The following INPP5B variants were observed in gnomAD, a reference collection of about 807,000 sequenced individuals.
INPP5B encodes the protein inositol polyphosphate-5-phosphatase B, also known as type II inositol 1,4,5-trisphosphate 5-phosphatase.
Under a neutral mutation model 118.5 loss-of-function variants are expected in INPP5B, and 90 were observed. The ratio of observed to expected loss-of-function variants is 0.76; its 90% confidence interval spans 0.64 to 0.90. The LOEUF is 0.90. Among genes scored for constraint, INPP5B ranks in the 40% least tolerant of loss-of-function variants. INPP5B has a pLI of 0.00. For synonymous variants in INPP5B, 385 were observed against 418.9 expected, an observed-to-expected ratio of 0.92 and a Z score of 0.99; for missense variants, 984 against 1,125.6, an observed-to-expected ratio of 0.87 and a Z score of 1.80.
chr1:37,913,980 G>C (rs1644786069), intron 7 of INPP5B, among the ~76,000 whole-genome samples: 1 of 151,828 alleles, frequency 6.6e-6, no homozygotes, highest in Admixed American at 6.6e-5. Flanking sequence ...TTAAGAAGGT[G>C]CTTCGTAATA....
At chr1:37,862,462 C>T in intron 23 of INPP5B, 32 bp from the exon 24 acceptor site, 1 of 1,399,210 alleles carries the variant, frequency 7.1e-7, no homozygotes, top group South Asian at 1.2e-5. Context: ...AGAAATGATT[C>T]AGCAAAAGAA....
chr1:37,939,219 C>G (rs1372846218), intron 6 of INPP5B, among the ~76,000 whole-genome samples: 6 of 147,892 alleles, frequency 4.1e-5, no homozygotes, highest in African/African-American at 1.5e-4. Flanking sequence ...AAAAAATCAG[C>G]TAGGCATGGT....
At chr1:37,903,785 G>C (rs568780482) in intron 7 of INPP5B, among the ~76,000 whole-genome samples, 4 of 152,264 alleles carry the variant, frequency 2.6e-5, no homozygotes, top group African/African-American at 9.6e-5. Flanking sequence ...AGCTACTTGG[G>C]AGGCTGAAGC....
At chr1:37,941,958 A>AAAAAAAAAAAAAAAATATATATATAT (rs1427344681) in intron 5 of INPP5B, 1 of 30,380 alleles carries the variant, frequency 3.3e-5, no homozygotes, top group Non-Finnish European at 6.6e-5. Flanking sequence ...AAAAAAAAAA[A>AAAAAAAAAAAAAAAATATATATATAT]ATATATATAT....
chr1:37,943,767 G>A (rs1387840587), intron 4 of INPP5B, 29 bp downstream of exon 4: 5 of 1,610,842 alleles, frequency 3.1e-6, no homozygotes, highest in Non-Finnish European at 4.2e-6. Flanking sequence ...CATAGGAGAG[G>A]ATTCATACCA....
chr1:37,912,579 A>G (rs189190322), intron 7 of INPP5B, among the ~76,000 whole-genome samples: 3 of 151,982 alleles, frequency 2.0e-5, no homozygotes, highest in Admixed American at 2.0e-4. Flanking sequence ...ATTCTCAACT[A>G]CTTGTAAATG....
At chr1:37,871,464 G>GAAAAC (rs1417337993) in intron 19 of INPP5B, among the ~76,000 whole-genome samples, 8 of 149,874 alleles carry the variant, frequency 5.3e-5, no homozygotes, top group African/African-American at 1.2e-4. Flanking sequence ...ACTCACAAAA[G>GAAAAC]AAAACAAAAC....
At chr1:37,906,358 A>G (rs1644500640) in intron 7 of INPP5B, among the ~76,000 whole-genome samples, 1 of 152,264 alleles carries the variant, frequency 6.6e-6, no homozygotes, top group Non-Finnish European at 1.5e-5. Flanking sequence ...GGCTGGGCTC[A>G]GCTTTAAAAA....
intron 5 of INPP5B, among the ~76,000 whole-genome samples, chr1:37,941,156 T>G (rs1645893733): frequency 6.6e-6 from 1 of 152,070 alleles, no homozygotes; most frequent in South Asian, 2.1e-4. Context: ...CATGGGTCAG[T>G]CTACCTGACT....
chr1:37,896,483 CCCCCGCCCGGCCAGCCG>C (rs1644078918), intron 7 of INPP5B, among the ~76,000 whole-genome samples: 2 of 148,914 alleles, frequency 1.3e-5, no homozygotes, highest in South Asian at 2.1e-4. Context: ...GGGGATCAGC[CCCCCGCCCGGCCAGCCG>C]CCCCGTCCGG....
At chr1:37,931,678 G>A in intron 7 of INPP5B, 1 of 1,525,362 alleles carries the variant, frequency 6.6e-7, no homozygotes, top group Non-Finnish European at 8.8e-7. Context: ...CGAACCTGCA[G>A]TGTTGCGCTC....
chr1:37,876,111 T>G (rs1405008742), intron 16 of INPP5B, among the ~76,000 whole-genome samples: 4 of 151,474 alleles, frequency 2.6e-5, no homozygotes, highest in South Asian at 2.1e-4. Flanking sequence ...AAGTTTGTTT[T>G]TTTTTTTTTT....
At chr1:37,886,178 AAAAC>A (rs1234826190) in intron 12 of INPP5B, among the ~76,000 whole-genome samples, 3 of 151,802 alleles carry the variant, frequency 2.0e-5, no homozygotes, top group Non-Finnish European at 4.4e-5. Context: ...CTCCATCTCA[AAAAC>A]AAACAAACAA....
intron 20 of INPP5B, 33 bp downstream of exon 20, chr1:37,868,468 T>C: frequency 6.9e-7 from 1 of 1,453,218 alleles, no homozygotes; most frequent in Non-Finnish European, 9.7e-7. Context: ...CAGCCTGGCC[T>C]CAATCAGGTC....
intron 7 of INPP5B, among the ~76,000 whole-genome samples, chr1:37,923,531 G>C (rs1171961627): frequency 6.6e-6 from 1 of 152,064 alleles, no homozygotes; most frequent in African/African-American, 2.4e-5. Context: ...GATCCCTAAA[G>C]GAGAGGGAAA....
chr1:37,940,709 C>T lies in INPP5B; in HGVS notation c.370G>A (p.Glu124Lys), dbSNP rs992657271. ...FGSQTRMFLH[E>K]VARACPGFDS... The stretch of plus-strand genomic sequence containing the variant: ...CTACCTGGACAGGCCCTGGCAACTT[C>T]GTGGAGGAACATCCTGGTTTGTGAA... The change falls in exon 6 of 24, where the codon GAA (glutamate) becomes AAA (lysine). Residue 124 changes from glutamate (E) to lysine (K), a missense_variant. Physicochemically the swap from Glu to Lys is moderately conservative, Grantham distance 56. Transcript: ENST00000373024. 3.7e-6 allele frequency: 6 copies of T among 1,613,586 alleles called. No individual in the cohort carries two copies. The highest frequency in any genetic ancestry group is 2.2e-5 in the East Asian group (1 of 44,886).
At chr1:37,902,019 C>T (rs1644351264) in intron 7 of INPP5B, among the ~76,000 whole-genome samples, 1 of 150,964 alleles carries the variant, frequency 6.6e-6, no homozygotes, top group African/African-American at 2.4e-5. Flanking sequence ...CAGAGTCTTA[C>T]TCTGTTGCCC....
At chr1:37,886,225 G>A (rs1249606198) in intron 12 of INPP5B, among the ~76,000 whole-genome samples, 5 of 151,358 alleles carry the variant, frequency 3.3e-5, no homozygotes, top group Non-Finnish European at 7.4e-5. Context: ...AAAATGTTTT[G>A]TCTTAATCTT....
intron 7 of INPP5B, among the ~76,000 whole-genome samples, chr1:37,916,411 A>AT (rs1350598234): frequency 8.0e-3 from 32 of 4,016 alleles, no homozygotes; most frequent in South Asian, 0.036. Context: ...TTTTTCTTTC[A>AT]TTTTTTTTTT....
Sources: allele counts gnomAD v4.1 joint callset (sites outside exome capture counted in the v4.1 genomes callset), GRCh38; gene constraint gnomAD v4.1.1; transcripts MANE v1.5; gene names NCBI Gene and HGNC (gene_info 2026-07-23, HGNC 2026-07-21).